CARS2: variants seen among roughly 807,000 people sequenced by gnomAD.
CARS2 encodes the protein probable cysteine--tRNA ligase, mitochondrial.
In CARS2, 52 loss-of-function variants were observed where a neutral mutation model predicts 68.8. The observed-to-expected ratio is 0.76, with a 90% CI of 0.61 to 0.95. The LOEUF is 0.95. CARS2 is among the 40% of genes least tolerant of loss of function. The probability of loss-of-function intolerance (pLI) is 0.00; values close to 1 mark genes in which losing one functional copy is unlikely to be tolerated. For synonymous variants in CARS2, 314 were observed against 303.6 expected (o/e 1.03, Z -0.36); for missense variants, 780 against 754.2 (o/e 1.03, Z -0.40).
chr13:110,665,492 C>T lies in CARS2; in HGVS notation c.919+1848G>A, dbSNP rs1268825901. ...CCATTCCCACATCGGAAGGTGAACA[C>T]GACCTCCGTTTCTAGACCCGGCCCC... is the stretch of plus-strand genomic sequence containing the variant. On this transcript the variant is annotated intron_variant, in intron 8 of 14. Coordinates refer to ENST00000257347, the MANE Select transcript of CARS2 (RefSeq NM_024537.4). This position sits in a 1 kb window ranked among gnomAD's most constrained non-coding sequence, Gnocchi z 4.3. The T allele has an allele frequency of 1.9e-5, 19 of 985,486 alleles. No homozygotes were observed. The highest frequency in any genetic ancestry group is 1.2e-4 in the Admixed American group (2 of 16,288). The allele number at this position is 985,486 out of a possible 1,614,324, so 61.0% of individuals were successfully genotyped here.
rs1197560441 is a variant in CARS2 at position 110,679,593 on chromosome 13, AAGAAAGAGAGAG to A, written c.656-2502_656-2491del. The stretch of plus-strand genomic sequence containing the variant: ...AGAGAGAGAAAGAAAGAAAGAAAGA[AAGAAAGAGAGAG>A]AGAGAGAGAGAGAGAGAGAGGGAGG... On this transcript the variant is annotated intron_variant, in intron 6 of 14. Coordinates refer to ENST00000257347, the MANE Select transcript of CARS2 (RefSeq NM_024537.4). Among the ~76,000 whole-genome samples, 189 of 28,148 alleles carry A rather than the reference AAGAAAGAGAGAG, an allele frequency of 6.7e-3. 4 individuals are homozygous for A. The highest frequency in any genetic ancestry group is 4.9e-3 in the Non-Finnish European group (64 of 13,144). The allele number at this position is 28,148 out of a possible 152,430, so 18.5% of individuals were successfully genotyped here.
chr13:110,712,194 G>A (rs987729750), intron 1 of CARS2: 2 of 151,256 alleles, frequency 1.3e-5, no homozygotes, highest in African/African-American at 5.0e-5. Flanking sequence ...GCTGGGGACA[G>A]GGCTTAGTTC....
At chr13:110,663,011 C>A (rs1221464173) in intron 9 of CARS2, 3 of 458,120 alleles carry the variant, frequency 6.5e-6, no homozygotes, top group South Asian at 1.5e-5. Flanking sequence ...TAGCATGATG[C>A]CATTTTTCAG....
intron 13 of CARS2, 50 bp downstream of exon 13, chr13:110,644,335 C>T (rs760922018): frequency 6.5e-7 from 1 of 1,548,108 alleles, no homozygotes; most frequent in East Asian, 2.2e-5. Context: ...GGTTATTGTC[C>T]CAACATGGAG....
intron 5 of CARS2, among the ~76,000 whole-genome samples, chr13:110,685,057 G>A (rs947632700): frequency 2.0e-5 from 3 of 152,124 alleles, no homozygotes; most frequent in Non-Finnish European, 4.4e-5. Context: ...CTAAAGACTC[G>A]TGAACATTTA....
At chr13:110,698,467 C>T (rs557231985) in intron 3 of CARS2, among the ~76,000 whole-genome samples, 45 of 151,064 alleles carry the variant, frequency 3.0e-4, no homozygotes, top group African/African-American at 9.0e-4. Flanking sequence ...TTGCAGTGAG[C>T]GGAGATAGCA....
Position 110,700,912 on chromosome 13 carries a change from C to T in CARS2, c.393+526G>A, listed in dbSNP as rs143266664. Among the ~76,000 whole-genome samples the T allele has an allele frequency of 9.2e-5, 14 of 152,290 alleles. No homozygotes were observed. The East Asian group carries it at 9.7e-4, about 11-fold the overall frequency. The stretch of plus-strand genomic sequence containing the variant: ...CACGAGGCCACAGAAAAGCCTTCAG[C>T]GATCACAATACGATAGATGTTAACT... On this transcript the variant is annotated intron_variant, in intron 3 of 14. Transcript: ENST00000257347.
At chr13:110,675,950 G>A (rs1484271955) in intron 7 of CARS2, among the ~76,000 whole-genome samples, 4 of 152,196 alleles carry the variant, frequency 2.6e-5, no homozygotes, top group African/African-American at 7.2e-5. Flanking sequence ...GAGGTCAGGA[G>A]ATCGAGACCA....
intron 5 of CARS2, among the ~76,000 whole-genome samples, chr13:110,687,417 C>A (rs1172975304): frequency 6.6e-6 from 1 of 152,134 alleles, no homozygotes; most frequent in East Asian, 1.9e-4. Flanking sequence ...CGCCTGTAAT[C>A]CCAGCACTTT....
chr13:110,646,998 C>T (rs1310356976), intron 11 of CARS2, 103 bp downstream of exon 11: 41 of 1,351,632 alleles, frequency 3.0e-5, no homozygotes, highest in South Asian at 7.2e-5. Context: ...TCCTGTCCAG[C>T]GCCCTGTCTC....
At chr13:110,709,587 G>C (rs1193594159), upstream of CARS2, among the ~76,000 whole-genome samples, 2 of 152,032 alleles carry the variant, frequency 1.3e-5, no homozygotes, top group East Asian at 3.9e-4. Context: ...TCCTGTGCTG[G>C]GTGCTTCCTG....
At chr13:110,646,973 C>T (rs940330632) in intron 11 of CARS2, 128 bp downstream of exon 11, 1 of 1,194,392 alleles carries the variant, frequency 8.4e-7, no homozygotes, top group East Asian at 2.6e-5. Flanking sequence ...TCTGGGCAGT[C>T]CCTGACCCCA....
At chr13:110,663,284 C>T (rs1040398292) in intron 9 of CARS2, among the ~76,000 whole-genome samples, 167 bp downstream of exon 9, 18 of 151,940 alleles carry the variant, frequency 1.2e-4, no homozygotes, top group East Asian at 1.9e-4. Context: ...CGCGATTAGG[C>T]GGAGAGCCAC....
At chr13:110,712,982 G>GTC in intron 1 of CARS2, 1 of 1,555,292 alleles carries the variant, frequency 6.4e-7, no homozygotes, top group Non-Finnish European at 8.7e-7. Flanking sequence ...GAATGGGTAG[G>GTC]TCTCCCGCGC....
upstream of CARS2, among the ~76,000 whole-genome samples, chr13:110,709,513 T>C (rs2064009754): frequency 6.6e-6 from 1 of 152,166 alleles, no homozygotes; most frequent in South Asian, 2.1e-4. Context: ...AGGTTGAATA[T>C]TAAGGTAAAG....
Position 110,667,365 on chromosome 13 carries a change from C to T in CARS2, c.894G>A (p.Gln298=), listed in dbSNP as rs1443238587. Residue 298 remains glutamine, a synonymous_variant, in exon 8 of 15, where the codon CAG becomes CAA. Coordinates refer to ENST00000257347, the MANE Select transcript of CARS2 (RefSeq NM_024537.4). ...CAGAATGCAGAAAATAATTTCCCCA[C>T]TGCTCGCACTGATGAAAGACTTCGC... is the stretch of plus-strand genomic sequence containing the variant. ...AQCEVFHQCE[Q]WGNYFLHSGH... The T allele has an allele frequency of 1.9e-6, 3 of 1,613,442 alleles. No homozygotes were observed. Among genetic ancestry groups the T allele is most frequent in the Non-Finnish European group, 2.5e-6 (3 of 1,179,666 alleles).
chr13:110,706,820 A>AATACAGT (rs2063970886), upstream of CARS2, among the ~76,000 whole-genome samples: 1 of 144,732 alleles, frequency 6.9e-6, no homozygotes, highest in Non-Finnish European at 1.5e-5. Flanking sequence ...TGTGCACCCC[A>AATACAGT]GCACACACAT....
At chr13:110,680,145 CGAGGGGGG>C (rs762141004) in intron 6 of CARS2, among the ~76,000 whole-genome samples, 39 of 2,784 alleles carry the variant, frequency 0.014, no homozygotes, top group African/African-American at 0.036. Flanking sequence ...TTTGGGAGGC[CGAGGGGGG>C]GGGGGGGGGG....
At position 110,647,183 on chromosome 13, in the gene CARS2, C is replaced by A. The variant is rs750743449; in HGVS notation, c.1111G>T (p.Gly371Cys). Residue 371 changes from glycine (G) to cysteine (C), a missense_variant, in exon 11 of 15, where the codon GGC (glycine) becomes TGC (cysteine). Gly to Cys is a radical substitution (Grantham distance 159). Coordinates refer to ENST00000257347, the MANE Select transcript of CARS2 (RefSeq NM_024537.4). ...LQAQQLLLGLGSFLEDARAYM... is the reference protein window; with the variant it reads ...LQAQQLLLGLCSFLEDARAYM... The stretch of plus-strand genomic sequence containing the variant: ...GCACGTGCGTCCTCCAGGAAAGAGC[C>A]CAGCCCCAGGAGCAGCTGCTGAGCT... 8.7e-6 allele frequency: 14 copies of A among 1,613,118 alleles called. No individual in the cohort carries two copies. In the East Asian group the frequency reaches 3.1e-4, roughly 36 times the overall value.
Sources: gnomAD v4.1 joint callset for allele counts (sites outside exome capture counted in the v4.1 genomes callset) on GRCh38, gnomAD v4.1.1 for gene constraint, Gnocchi (gnomAD v3.1) non-coding constraint, MANE v1.5 for transcripts, NCBI Gene and HGNC (gene_info 2026-07-23, HGNC 2026-07-21) for gene names.